Variants in ADAMTSL1 observed in about 807,000 individuals in gnomAD.
ADAMTSL1 encodes ADAMTS like 1.
In ADAMTSL1, 126 loss-of-function variants were observed where a neutral mutation model predicts 201.8. The ratio of observed to expected loss-of-function variants is 0.62; its 90% CI spans 0.54 to 0.72. The LOEUF is 0.72. Among genes scored for constraint, ADAMTSL1 ranks in the 30% least tolerant of loss-of-function variants. ADAMTSL1 has a pLI of 0.00. For synonymous variants in ADAMTSL1, 1,121 were observed against 903.4 expected, an observed-to-expected ratio of 1.24 and a Z score of -4.32; for missense variants, 2,679 against 2,277.8, an observed-to-expected ratio of 1.18 and a Z score of -3.59.
intron 3 of ADAMTSL1, among the ~76,000 whole-genome samples, chr9:18,551,541 G>A (rs950512840): frequency 8.1e-6 from 1 of 122,786 alleles, no homozygotes; most frequent in East Asian, 2.8e-4. Flanking sequence ...TTTCATTACC[G>A]CTGAATTTTT....
intron 1 of ADAMTSL1, among the ~76,000 whole-genome samples, chr9:17,934,522 T>G (rs1487817721): frequency 2.0e-5 from 3 of 152,148 alleles, no homozygotes; most frequent in Non-Finnish European, 2.9e-5. Context: ...TGATTTTGAT[T>G]CATGACCACT....
At chr9:18,122,988 C>G (rs992499120) in intron 1 of ADAMTSL1, among the ~76,000 whole-genome samples, 1 of 152,170 alleles carries the variant, frequency 6.6e-6, no homozygotes, top group Non-Finnish European at 1.5e-5. Flanking sequence ...ATCCAAATAC[C>G]TTGGCCTCCC....
At chr9:18,578,743 C>T (rs1822896379) in intron 4 of ADAMTSL1, among the ~76,000 whole-genome samples, 1 of 151,768 alleles carries the variant, frequency 6.6e-6, no homozygotes, top group Non-Finnish European at 1.5e-5. Context: ...GGTATATACC[C>T]AGTAATGGGA....
intron 4 of ADAMTSL1, among the ~76,000 whole-genome samples, chr9:18,582,863 TAAATAAAATA>T (rs1554709597): frequency 8.8e-5 from 13 of 147,722 alleles, no homozygotes; most frequent in Non-Finnish European, 1.8e-4. Context: ...TAAAATAAAA[TAAATAAAATA>T]AAATAAAATA....
intron 1 of ADAMTSL1, among the ~76,000 whole-genome samples, chr9:18,106,482 A>G (rs575864258): frequency 6.6e-6 from 1 of 152,324 alleles, no homozygotes. Context: ...TGCTTAGCGC[A>G]CATTTATTGT....
At chr9:18,394,976 G>A (rs758168910) in intron 2 of ADAMTSL1, among the ~76,000 whole-genome samples, 2 of 152,154 alleles carry the variant, frequency 1.3e-5, no homozygotes, top group Non-Finnish European at 2.9e-5. Context: ...AAGAGAGTCA[G>A]CATTTGTCAA....
intron 2 of ADAMTSL1, among the ~76,000 whole-genome samples, chr9:18,376,828 T>A (rs1297309901): frequency 6.6e-6 from 1 of 152,130 alleles, no homozygotes; most frequent in Non-Finnish European, 1.5e-5. Context: ...TTAATGTTGA[T>A]GTTTGTTCAG....
At chr9:18,876,993 G>A (rs766946662) in intron 23 of ADAMTSL1, among the ~76,000 whole-genome samples, 4 of 152,058 alleles carry the variant, frequency 2.6e-5, no homozygotes, top group Non-Finnish European at 5.9e-5. Flanking sequence ...CAAAAGACTT[G>A]TCTTCAAGCT....
intron 20 of ADAMTSL1, among the ~76,000 whole-genome samples, chr9:18,811,012 C>CAAAAAAAAAAAAAAAAAAAAAAAA (rs76456235): frequency 2.6e-5 from 1 of 38,790 alleles, no homozygotes; most frequent in Non-Finnish European, 4.3e-5. Flanking sequence ...CAATGAGTAC[C>CAAAAAAAAAAAAAAAAAAAAAAAA]AAAAAAAAAA....
intron 2 of ADAMTSL1, among the ~76,000 whole-genome samples, chr9:18,224,842 A>G (rs1276792221): frequency 3.3e-5 from 5 of 152,148 alleles, no homozygotes; most frequent in African/African-American, 1.2e-4. Flanking sequence ...ACTTCACCAT[A>G]TAATTATTTT....
At chr9:17,997,158 C>G (rs1819415227) in intron 1 of ADAMTSL1, among the ~76,000 whole-genome samples, 1 of 152,042 alleles carries the variant, frequency 6.6e-6, no homozygotes, top group African/African-American at 2.4e-5. Context: ...AGTTTGGAGC[C>G]TAACTGAAAC....
At position 18,220,655 on chromosome 9, in the gene ADAMTSL1, C is replaced by G. The variant is rs1321677308; in HGVS notation, c.207+56674C>G. Among the ~76,000 whole-genome samples, 4 of 152,026 alleles carry G rather than the reference C, an allele frequency of 2.6e-5. No homozygotes were observed. In the East Asian group the frequency reaches 5.8e-4, roughly 22 times the overall value. ...TATTTTTACCGTCTTACTTGGTACT[C>G]TCTATTTTGCATGCATTTCCTCCTT... On this transcript the variant is annotated intron_variant, in intron 2 of 29. Coordinates refer to the ADAMTSL1 transcript ENST00000680146.
chr9:18,321,318 A>G (rs1224083587), intron 2 of ADAMTSL1, among the ~76,000 whole-genome samples: 1 of 152,148 alleles, frequency 6.6e-6, no homozygotes, highest in Non-Finnish European at 1.5e-5. Context: ...AAAAACTGAC[A>G]TATTAAAGGG....
intron 1 of ADAMTSL1, among the ~76,000 whole-genome samples, chr9:18,143,272 C>A (rs1826480689): frequency 6.6e-6 from 1 of 152,146 alleles, no homozygotes; most frequent in Non-Finnish European, 1.5e-5. Context: ...GCCTCTGGAC[C>A]AAGTTCCCTT....
At chr9:17,949,794 G>T (rs78518152) in intron 1 of ADAMTSL1, among the ~76,000 whole-genome samples, 1,880 of 152,224 alleles carry the variant, frequency 0.012, 42 homozygotes, top group African/African-American at 0.043. Context: ...TGTAAAGATA[G>T]CCAGGTGGAT....
intron 1 of ADAMTSL1, among the ~76,000 whole-genome samples, chr9:18,485,981 A>G (rs1421571818): frequency 6.6e-6 from 1 of 152,230 alleles, no homozygotes; most frequent in Non-Finnish European, 1.5e-5. Context: ...GTAAGGCTAC[A>G]TAGTTACTGG....
intron 1 of ADAMTSL1, among the ~76,000 whole-genome samples, chr9:18,111,502 C>A (rs1311507886): frequency 6.6e-6 from 1 of 152,102 alleles, no homozygotes; most frequent in African/African-American, 2.4e-5. Flanking sequence ...TTTTATGTAT[C>A]TGTGAAATGG....
At chr9:17,995,464 G>A (rs1294425773) in intron 1 of ADAMTSL1, among the ~76,000 whole-genome samples, 1 of 152,132 alleles carries the variant, frequency 6.6e-6, no homozygotes, top group African/African-American at 2.4e-5. Context: ...TGAACTGAAA[G>A]ACTTAGTAAG....
intron 2 of ADAMTSL1, among the ~76,000 whole-genome samples, chr9:18,183,142 T>A (rs182046597): frequency 1.3e-5 from 2 of 152,324 alleles, no homozygotes; most frequent in East Asian, 3.9e-4. Flanking sequence ...AAAGACAGTC[T>A]TTCAACAGAT....
Sources: gnomAD v4.1 joint callset for allele counts (sites outside exome capture counted in the v4.1 genomes callset) on GRCh38, gnomAD v4.1.1 for gene constraint, MANE v1.5 for transcripts, NCBI Gene and HGNC (gene_info 2026-07-23, HGNC 2026-07-21) for gene names.